Variants in WSCD2 observed in about 807,000 individuals in gnomAD.
WSCD2 encodes WSC domain sialate O sulfotransferase 2, also known as sialate:O-sulfotransferase 2.
WSCD2 carries 28 observed loss-of-function variants against 55.7 expected under a neutral mutation model. The ratio of observed to expected loss-of-function variants is 0.50; its 90% CI spans 0.37 to 0.69. The LOEUF (loss-of-function observed/expected upper bound fraction) is 0.69, where lower values mean the gene tolerates loss of function less well. Ranked by LOEUF, WSCD2 falls within the 30% of genes least tolerant of loss-of-function variation. The pLI, the probability that WSCD2 is intolerant of heterozygous loss-of-function variation, is 0.00. For synonymous variants in WSCD2, 301 were observed against 301.9 expected (o/e 1.00, Z 0.03); for missense variants, 616 against 762.1 (o/e 0.81, Z 2.26).
chr12:108,221,283 G>A (rs545118418), intron 4 of WSCD2, among the ~76,000 whole-genome samples: 2 of 152,178 alleles, frequency 1.3e-5, no homozygotes, highest in East Asian at 3.9e-4. Flanking sequence ...CGGTGGGTGT[G>A]GTGACTCACG....
At chr12:108,235,979 C>T (rs1193133241) in intron 7 of WSCD2, among the ~76,000 whole-genome samples, 2 of 152,298 alleles carry the variant, frequency 1.3e-5, no homozygotes, top group Middle Eastern at 3.4e-3. Context: ...CTGAAAGATG[C>T]TTAACTTCAT....
intron 1 of WSCD2, among the ~76,000 whole-genome samples, chr12:108,166,760 CTTTTCTTT>C (rs1338997101): frequency 7.7e-5 from 2 of 25,814 alleles, no homozygotes; most frequent in Admixed American, 5.1e-4. Flanking sequence ...TTCTTTCTTT[CTTTTCTTT>C]CTTTCTTTCT....
At chr12:108,177,451 C>T (rs563678056) in intron 1 of WSCD2, among the ~76,000 whole-genome samples, 1 of 152,226 alleles carries the variant, frequency 6.6e-6, no homozygotes, top group South Asian at 2.1e-4. Context: ...CCTGGCTCTG[C>T]CTCCTACACC....
intron 7 of WSCD2, among the ~76,000 whole-genome samples, chr12:108,240,005 G>T (rs921729603): frequency 2.6e-5 from 4 of 152,216 alleles, no homozygotes; most frequent in Non-Finnish European, 5.9e-5. Flanking sequence ...ACAGGCGTGA[G>T]CCACTGTGCC....
chr12:108,189,920 T>C (rs1882950150), intron 1 of WSCD2, among the ~76,000 whole-genome samples: 1 of 152,170 alleles, frequency 6.6e-6, no homozygotes, highest in Non-Finnish European at 1.5e-5. Context: ...AATAGAGTCC[T>C]TGTATCAGAA....
intron 4 of WSCD2, among the ~76,000 whole-genome samples, chr12:108,218,760 C>A (rs764887789): frequency 1.3e-5 from 2 of 152,160 alleles, no homozygotes; most frequent in East Asian, 1.9e-4. Context: ...CACTCCCATA[C>A]GGAGATGACT....
chr12:108,216,706 C>A lies in WSCD2; in HGVS notation c.682+6401C>A, dbSNP rs12311410. Among the ~76,000 whole-genome samples the A allele has an allele frequency of 7.0e-3, 1,068 of 152,358 alleles. 9 individuals are homozygous for A. Among genetic ancestry groups the A allele is most frequent in the African/African-American group, 0.024 (1,016 of 41,572 alleles). ...TCTAGTGAGGACAATGGAAGCTTAA[C>A]CCCACTGGAGAGCTCTGGAGGATGG... On this transcript the variant is annotated intron_variant, in intron 4 of 8. Transcript: ENST00000547525.
At chr12:108,209,277 G>T (rs887494951) in intron 3 of WSCD2, among the ~76,000 whole-genome samples, 3 of 152,134 alleles carry the variant, frequency 2.0e-5, no homozygotes, top group Non-Finnish European at 4.4e-5. Context: ...TCTCGAAGGG[G>T]TGTGAGAGTC....
chr12:108,227,292 C>A, intron 6 of WSCD2, 128 bp downstream of exon 6: 1 of 1,113,088 alleles, frequency 9.0e-7, no homozygotes, highest in Non-Finnish European at 1.3e-6. Flanking sequence ...GAGGGCAGGG[C>A]TGATGAACTC....
At chr12:108,157,835 C>T (rs1277504841) in intron 1 of WSCD2, among the ~76,000 whole-genome samples, 1 of 152,192 alleles carries the variant, frequency 6.6e-6, no homozygotes, top group Non-Finnish European at 1.5e-5. Flanking sequence ...CTATCTCCTG[C>T]CCTGCAAATA....
intron 8 of WSCD2, among the ~76,000 whole-genome samples, chr12:108,246,955 A>G (rs1301546625): frequency 2.6e-5 from 4 of 152,172 alleles, no homozygotes; most frequent in Non-Finnish European, 5.9e-5. Context: ...TATCAGTAAT[A>G]ACGATAGCCA....
intron 4 of WSCD2, among the ~76,000 whole-genome samples, chr12:108,221,490 A>G (rs1371572476): frequency 6.6e-6 from 1 of 152,200 alleles, no homozygotes; most frequent in African/African-American, 2.4e-5. Context: ...CAGGAGGTGC[A>G]GGTTGCAGGA....
intron 7 of WSCD2, 194 bp downstream of exon 7, chr12:108,233,089 C>T (rs1888953350): frequency 1.5e-6 from 1 of 656,442 alleles, no homozygotes; most frequent in East Asian, 2.9e-5. Context: ...TTTCTTAAGT[C>T]ATGTCCTGGA....
intron 7 of WSCD2, chr12:108,233,235 C>T: frequency 5.2e-6 from 1 of 191,824 alleles, no homozygotes. Flanking sequence ...CAGATGTTTA[C>T]TGACCAGCAA....
intron 1 of WSCD2, among the ~76,000 whole-genome samples, chr12:108,181,943 T>C (rs543827354): frequency 6.6e-6 from 1 of 152,362 alleles, no homozygotes; most frequent in South Asian, 2.1e-4. Flanking sequence ...CATATTCTCA[T>C]CCCATTTTAT....
At chr12:108,237,399 G>T (rs1014667445) in intron 7 of WSCD2, among the ~76,000 whole-genome samples, 8 of 152,206 alleles carry the variant, frequency 5.3e-5, no homozygotes, top group African/African-American at 1.9e-4. Context: ...TGATATTTTG[G>T]TGACTCTTAA....
At chr12:108,225,536 C>T (rs1434683994) in intron 5 of WSCD2, among the ~76,000 whole-genome samples, 1 of 152,202 alleles carries the variant, frequency 6.6e-6, no homozygotes, top group East Asian at 1.9e-4. Context: ...AAGGTAAAGA[C>T]AGTCCCACCT....
rs35990224 is a variant in WSCD2, at chr12:108,204,506, A to C, written c.383-1783A>C. The stretch of plus-strand genomic sequence containing the variant: ...TGCAGCCCTTGCCCACGTGGCCACA[A>C]AGTGCTTTCTCCCAGCTCAGGTGTG... On this transcript the variant is annotated intron_variant, in intron 2 of 8. Transcript: ENST00000547525. Among the ~76,000 whole-genome samples the C allele has an allele frequency of 2.8e-3, 429 of 152,258 alleles. 5 individuals are homozygous for C. In the East Asian group the frequency reaches 0.041, roughly 15 times the overall value.
At chr12:108,242,247 C>T (rs1225121020) in intron 8 of WSCD2, among the ~76,000 whole-genome samples, 5 of 152,336 alleles carry the variant, frequency 3.3e-5, no homozygotes, top group African/African-American at 1.2e-4. Context: ...TCACTCAAGG[C>T]GGTTTTTCTG....
Sources: gnomAD v4.1 joint callset for allele counts (sites outside exome capture counted in the v4.1 genomes callset) on GRCh38, gnomAD v4.1.1 for gene constraint, MANE v1.5 for transcripts, NCBI Gene and HGNC (gene_info 2026-07-23, HGNC 2026-07-21) for gene names.